Variants in MEMO1 observed in about 807,000 individuals in gnomAD.
MEMO1 encodes protein MEMO1.
In MEMO1, 6 loss-of-function variants were observed where a neutral mutation model predicts 45.2. The ratio of observed to expected loss-of-function variants is 0.13; its 90% confidence interval spans 0.07 to 0.26. MEMO1 has a LOEUF of 0.26. Ranked by LOEUF, MEMO1 falls within the 10% of genes least tolerant of loss-of-function variation. The pLI is 1.00. For missense variants in MEMO1, 184 were observed against 370.5 expected, an observed-to-expected ratio of 0.50 and a Z score of 4.13; for synonymous variants, 78 against 124.3, an observed-to-expected ratio of 0.63 and a Z score of 2.48.
chr2:31,871,011 C>A (rs1673631098), intron 8 of MEMO1, among the ~76,000 whole-genome samples: 1 of 152,098 alleles, frequency 6.6e-6, no homozygotes, highest in Non-Finnish European at 1.5e-5. Context: ...TTAAAACAAC[C>A]ACTATGACTT....
At chr2:31,931,182 G>A (rs1664123586) in intron 4 of MEMO1, among the ~76,000 whole-genome samples, 1 of 152,026 alleles carries the variant, frequency 6.6e-6, no homozygotes, top group East Asian at 1.9e-4. Context: ...AATGTACAGA[G>A]AACGCTACAT....
In MEMO1 at chr2:31,869,859, C is replaced by A; in HGVS notation, c.751G>T (p.Val251Leu). The change falls in exon 9 of 10, where the codon GTG (valine) becomes TTG (leucine). Residue 251 changes from valine to leucine, a missense_variant. Transcript: ENST00000404530. ...CTAAGGATACTCACATTTAATAACA[C>A]CCCAATGGGATGTCTTCCACATATA... ...NTICGRHPIG[V>L]LLNAITELQK... The A allele has an allele frequency of 1.9e-6, 3 of 1,578,220 alleles. No individual in the cohort carries two copies. Among genetic ancestry groups the A allele is most frequent in the Non-Finnish European group, 2.6e-6 (3 of 1,168,584 alleles).
intron 3 of MEMO1, among the ~76,000 whole-genome samples, chr2:31,940,632 C>T (rs1251618058): frequency 2.0e-5 from 3 of 152,152 alleles, no homozygotes; most frequent in Non-Finnish European, 4.4e-5. Context: ...GTAGCCTCCC[C>T]CTGGGCTCAA....
chr2:31,933,348 A>AAAAT (rs1558514269), intron 3 of MEMO1, among the ~76,000 whole-genome samples: 13 of 16,184 alleles, frequency 8.0e-4, no homozygotes, highest in African/African-American at 1.9e-3. Flanking sequence ...AAAAAAAAAA[A>AAAAT]ATTTATATAT....
rs556138252 is a variant in MEMO1 at position 31,976,375 on chromosome 2, C to T, written c.62-32992G>A. ...GGCAGATGACTTGAAGCCAGGAGTT[C>T]GAAACCAGGCAGGCCAACAGGGTGA... On this transcript the variant is annotated intron_variant, in intron 2 of 9. Coordinates refer to ENST00000404530, the MANE Select transcript of MEMO1 (RefSeq NM_001301833.4). Among the ~76,000 whole-genome samples the T allele has an allele frequency of 2.0e-5, 3 of 151,994 alleles. No individual in the cohort carries two copies. The East Asian group carries it at 5.8e-4, about 29-fold the overall frequency.
At chr2:31,963,155 T>A (rs771466534) in intron 2 of MEMO1, 4 of 1,530,062 alleles carry the variant, frequency 2.6e-6, no homozygotes, top group Non-Finnish European at 3.5e-6. Flanking sequence ...GGCTTCAGAC[T>A]CAAAGTGAAA....
intron 3 of MEMO1, among the ~76,000 whole-genome samples, chr2:31,942,828 G>A (rs978374417): frequency 3.9e-5 from 6 of 152,132 alleles, no homozygotes; most frequent in Non-Finnish European, 7.3e-5. Context: ...AGCCAAAGTA[G>A]CCAATTCTTT....
chr2:31,872,259 T>C (rs1181276232), intron 8 of MEMO1, among the ~76,000 whole-genome samples: 1 of 152,132 alleles, frequency 6.6e-6, no homozygotes, highest in African/African-American at 2.4e-5. Flanking sequence ...GTAGGCTCTT[T>C]CTCACTCTCT....
chr2:31,880,696 A>G (rs1161803342), intron 8 of MEMO1, among the ~76,000 whole-genome samples: 1 of 152,224 alleles, frequency 6.6e-6, no homozygotes, highest in Non-Finnish European at 1.5e-5. Context: ...AATGAAAACT[A>G]GAGTATTAAA....
intron 2 of MEMO1, among the ~76,000 whole-genome samples, chr2:31,994,698 C>T (rs1353750467): frequency 1.3e-5 from 2 of 152,084 alleles, no homozygotes; most frequent in Non-Finnish European, 2.9e-5. Context: ...CCTATAATCC[C>T]AGCCTTTGGG....
At chr2:31,889,390 T>C (rs1676622300) in intron 7 of MEMO1, among the ~76,000 whole-genome samples, 1 of 152,028 alleles carries the variant, frequency 6.6e-6, no homozygotes, top group South Asian at 2.1e-4. Context: ...ATTGCTTCTA[T>C]ATAATAAAAA....
chr2:31,988,648 CCAAA>C (rs1032167752), intron 2 of MEMO1, among the ~76,000 whole-genome samples: 8 of 152,332 alleles, frequency 5.3e-5, no homozygotes, highest in South Asian at 4.1e-4. Flanking sequence ...TTCTTCATTA[CCAAA>C]CACTCACCAA....
intron 2 of MEMO1, among the ~76,000 whole-genome samples, chr2:31,994,794 A>T (rs1160551811): frequency 6.6e-6 from 1 of 152,078 alleles, no homozygotes; most frequent in Non-Finnish European, 1.5e-5. Context: ...CCAAAAATAC[A>T]AAAATTAGCC....
intron 2 of MEMO1, among the ~76,000 whole-genome samples, chr2:32,002,334 C>T (rs1357873084): frequency 2.0e-5 from 3 of 147,356 alleles, no homozygotes; most frequent in Admixed American, 1.4e-4. Flanking sequence ...TACATATATA[C>T]ATATACATAT....
chr2:31,974,099 C>T, intron 2 of MEMO1, among the ~76,000 whole-genome samples: 1 of 152,086 alleles, frequency 6.6e-6, no homozygotes, highest in East Asian at 1.9e-4. Flanking sequence ...CGCTCCCTCC[C>T]TCCCTCCCTC....
intron 4 of MEMO1, among the ~76,000 whole-genome samples, chr2:31,921,127 G>C (rs1212034404): frequency 6.6e-6 from 1 of 152,144 alleles, no homozygotes; most frequent in African/African-American, 2.4e-5. Flanking sequence ...GGTCTTCAAA[G>C]AGGCGATTAA....
intron 8 of MEMO1, among the ~76,000 whole-genome samples, chr2:31,873,641 T>G (rs1488281889): frequency 2.6e-5 from 4 of 152,054 alleles, no homozygotes; most frequent in Non-Finnish European, 5.9e-5. Context: ...AGCAAAACAT[T>G]TTAGAGGCAC....
chr2:31,925,492 A>AAAAAAAAAG (rs1558507956), intron 4 of MEMO1, among the ~76,000 whole-genome samples: 2 of 133,846 alleles, frequency 1.5e-5, no homozygotes, highest in African/African-American at 5.2e-5. Flanking sequence ...AAAAAAAAAA[A>AAAAAAAAAG]AAAAAAATCT....
intron 3 of MEMO1, among the ~76,000 whole-genome samples, chr2:31,940,402 C>G (rs1665467933): frequency 6.6e-6 from 1 of 152,158 alleles, no homozygotes. Context: ...AACCAAAAAC[C>G]TAGATTCTAT....
Sources: allele counts gnomAD v4.1 joint callset (sites outside exome capture counted in the v4.1 genomes callset), GRCh38; gene constraint gnomAD v4.1.1; transcripts MANE v1.5; gene names NCBI Gene and HGNC (gene_info 2026-07-23, HGNC 2026-07-21).